The following DIPK1A variants were observed in gnomAD, a reference collection of about 807,000 sequenced individuals.
DIPK1A encodes divergent protein kinase domain 1A.
In DIPK1A, 27 loss-of-function variants were observed where a neutral mutation model predicts 40.8. The observed-to-expected ratio is 0.66, with a 90% CI of 0.49 to 0.91. The LOEUF (loss-of-function observed/expected upper bound fraction) is 0.91. Among genes scored for constraint, DIPK1A ranks in the 40% least tolerant of loss-of-function variants. The pLI is 0.00. For synonymous variants in DIPK1A, 166 were observed against 171.3 expected (o/e 0.97, Z 0.24); for missense variants, 412 against 505.7 (o/e 0.81, Z 1.78).
At position 92,843,886 on chromosome 1, in the gene DIPK1A, T is replaced by C; in HGVS notation, c.784A>G (p.Thr262Ala). 2 of 1,551,788 alleles carry C rather than the reference T, an allele frequency of 1.3e-6. No individual in the cohort carries two copies. Among genetic ancestry groups the C allele is most frequent in the South Asian group, 1.2e-5 (1 of 84,068 alleles). Residue 262 changes from threonine to alanine, a missense_variant, in exon 5 of 5, where the codon ACA becomes GCA. Coordinates refer to ENST00000370310, the MANE Select transcript of DIPK1A (RefSeq NM_001006605.5). ...TTGGCCTTTCTTGGCCATGATGGTGTGAACAGCTGATCCATGCTTCTTCTG... is the reference window on the plus strand; with the variant it reads ...TTGGCCTTTCTTGGCCATGATGGTGCGAACAGCTGATCCATGCTTCTTCTG... ...GFRRSMDQLF[T>A]PSWPRKAKIA...
At chr1:92,887,775 A>T (rs941301739) in intron 1 of DIPK1A, among the ~76,000 whole-genome samples, 6 of 152,164 alleles carry the variant, frequency 3.9e-5, no homozygotes, top group Non-Finnish European at 8.8e-5. Flanking sequence ...ACTATTCGTC[A>T]TTTTACAGAT....
intron 1 of DIPK1A, among the ~76,000 whole-genome samples, chr1:92,903,147 G>A (rs918332762): frequency 1.3e-5 from 2 of 152,128 alleles, no homozygotes; most frequent in African/African-American, 4.8e-5. Context: ...AGGACCTCAG[G>A]TGATCCTCCC....
intron 1 of DIPK1A, among the ~76,000 whole-genome samples, chr1:92,938,015 C>T (rs959770222): frequency 6.6e-6 from 1 of 152,116 alleles, no homozygotes; most frequent in Non-Finnish European, 1.5e-5. Flanking sequence ...TTGTTCTTTT[C>T]TGATTTAAAA....
intron 1 of DIPK1A, among the ~76,000 whole-genome samples, chr1:92,891,444 C>T (rs12750831): frequency 6.6e-6 from 1 of 151,984 alleles, no homozygotes. Flanking sequence ...CTATAAATTT[C>T]CCTCTTAATC....
intron 1 of DIPK1A, among the ~76,000 whole-genome samples, chr1:92,922,550 G>A (rs779371298): frequency 7.2e-5 from 11 of 152,078 alleles, no homozygotes; most frequent in Non-Finnish European, 1.3e-4. Context: ...CCATGGACAC[G>A]GTTCAATCAA....
intron 1 of DIPK1A, among the ~76,000 whole-genome samples, chr1:92,885,795 CTT>C (rs1648573806): frequency 6.6e-6 from 1 of 152,092 alleles, no homozygotes. Context: ...TTCCATCCTT[CTT>C]ATTGAAATAA....
intron 1 of DIPK1A, among the ~76,000 whole-genome samples, chr1:92,909,495 T>C (rs1649748267): frequency 6.6e-6 from 1 of 152,150 alleles, no homozygotes; most frequent in African/African-American, 2.4e-5. Flanking sequence ...TTTGGAGAGA[T>C]GTACTTGTTC....
chr1:92,890,225 T>C (rs1015697754), intron 1 of DIPK1A, among the ~76,000 whole-genome samples: 1 of 152,220 alleles, frequency 6.6e-6, no homozygotes, highest in Non-Finnish European at 1.5e-5. Flanking sequence ...GTAGAGCTTT[T>C]AGAGTTTTCT....
intron 1 of DIPK1A, among the ~76,000 whole-genome samples, chr1:92,948,678 C>CGTATATATACAT (rs1235115434): frequency 1.6e-5 from 2 of 122,070 alleles, no homozygotes; most frequent in Non-Finnish European, 3.5e-5. Flanking sequence ...TGTATATATA[C>CGTATATATACAT]ATGTATATGT....
chr1:92,948,848 A>G (rs918174535), intron 1 of DIPK1A, among the ~76,000 whole-genome samples: 1 of 150,534 alleles, frequency 6.6e-6, no homozygotes, highest in African/African-American at 2.4e-5. Flanking sequence ...CTTGTTGCCC[A>G]GGCTGGAGTG....
At chr1:92,904,358 A>C (rs1274307387) in intron 1 of DIPK1A, among the ~76,000 whole-genome samples, 1 of 152,200 alleles carries the variant, frequency 6.6e-6, no homozygotes, top group African/African-American at 2.4e-5. Context: ...CTGAAAAATA[A>C]TTACCCAAAG....
intron 4 of DIPK1A, chr1:92,833,824 G>A (rs775067340): frequency 1.6e-6 from 1 of 629,110 alleles, no homozygotes; most frequent in Non-Finnish European, 2.8e-6. Context: ...CTGGGAACTT[G>A]GTACTTTAAA....
chr1:92,933,930 T>C (rs1408818051), intron 1 of DIPK1A: 1 of 152,196 alleles, frequency 6.6e-6, no homozygotes, highest in Non-Finnish European at 1.5e-5. Context: ...AAGGTAATAC[T>C]GAGGAAAGGG....
At chr1:92,841,921 A>G, downstream of DIPK1A, 2 of 1,343,232 alleles carry the variant, frequency 1.5e-6, no homozygotes, top group Non-Finnish European at 2.1e-6. Context: ...ATGAACAGCA[A>G]CTATTTCTGT....
intron 1 of DIPK1A, among the ~76,000 whole-genome samples, chr1:92,879,446 C>A (rs1312470631): frequency 6.6e-6 from 1 of 152,024 alleles, no homozygotes; most frequent in African/African-American, 2.4e-5. Context: ...GGAGAAAAAC[C>A]CTATGAACTG....
intron 1 of DIPK1A, among the ~76,000 whole-genome samples, chr1:92,904,677 C>A (rs1209751530): frequency 6.6e-6 from 1 of 151,638 alleles, no homozygotes; most frequent in Non-Finnish European, 1.5e-5. Context: ...CCAATTATAC[C>A]TTTTTAGTTA....
intron 2 of DIPK1A, among the ~76,000 whole-genome samples, chr1:92,853,375 C>T (rs1343882946): frequency 1.3e-5 from 2 of 152,218 alleles, no homozygotes; most frequent in Non-Finnish European, 2.9e-5. Context: ...CTGAGGTTCA[C>T]TGGACTTCAA....
intron 1 of DIPK1A, chr1:92,932,040 T>G (rs1396229459): frequency 1.9e-6 from 1 of 537,004 alleles, no homozygotes; most frequent in Non-Finnish European, 3.4e-6. Flanking sequence ...TTGAAGAAAA[T>G]AAAATTGATA....
chr1:92,866,349 G>A (rs1035732961), intron 2 of DIPK1A, among the ~76,000 whole-genome samples: 1 of 152,098 alleles, frequency 6.6e-6, no homozygotes, highest in African/African-American at 2.4e-5. Flanking sequence ...TGATCCACCC[G>A]CCTCGGCCTC....
Sources: allele counts gnomAD v4.1 joint callset (sites outside exome capture counted in the v4.1 genomes callset), GRCh38; gene constraint gnomAD v4.1.1; transcripts MANE v1.5; gene names NCBI Gene and HGNC (gene_info 2026-07-23, HGNC 2026-07-21).